ZMYM6: variants seen among roughly 807,000 people sequenced by gnomAD.
ZMYM6 encodes the protein zinc finger MYM-type protein 6.
A neutral mutation model predicts 134.0 loss-of-function variants in ZMYM6; 90 were observed. That is an observed-to-expected ratio of 0.67 (90% confidence interval 0.57 to 0.80). The LOEUF (loss-of-function observed/expected upper bound fraction) is 0.80, where lower values mean the gene tolerates loss of function less well. Among genes scored for constraint, ZMYM6 ranks in the 30% least tolerant of loss-of-function variants. The pLI, the probability that ZMYM6 is intolerant of heterozygous loss-of-function variation, is 0.00. For synonymous variants in ZMYM6, 481 were observed against 524.1 expected (o/e 0.92, Z 1.12); for missense variants, 1,362 against 1,533.9 (o/e 0.89, Z 1.87).
chr1:35,020,450 T>C lies in ZMYM6; in HGVS notation c.111A>G (p.Gln37=). The change falls in exon 3 of 16, where the codon CAA becomes CAG. Residue 37 remains glutamine (Q), a synonymous_variant. Coordinates refer to ENST00000357182, the MANE Select transcript of ZMYM6 (RefSeq NM_007167.4). Reference sequence around the variant, plus strand: ...ATTTACTTTCTTGAGTTTTTGGCTGTTGGACACATCCATACTCCTTTAAAA... The same window carrying C: ...ATTTACTTTCTTGAGTTTTTGGCTGCTGGACACATCCATACTCCTTTAAAA... The part of the protein sequence containing the change: ...PDNAQEYGCV[Q]QPKTQESKLK... 4.3e-6 allele frequency: 7 copies of C among 1,610,080 alleles called. No individual in the cohort carries two copies. The highest frequency in any genetic ancestry group is 5.9e-6 in the Non-Finnish European group (7 of 1,179,462).
intron 10 of ZMYM6, 52 bp downstream of exon 10, chr1:35,010,395 G>A (rs372110797): frequency 2.5e-5 from 39 of 1,560,618 alleles, no homozygotes; most frequent in Admixed American, 4.1e-5. Flanking sequence ...TGCCCAAGTC[G>A]TCATGAATTA....
At position 35,019,388 on chromosome 1, in the gene ZMYM6, T is replaced by C. The variant is rs773653897; in HGVS notation, c.393A>G (p.Pro131=). 2 of 1,613,936 alleles carry C rather than the reference T, an allele frequency of 1.2e-6. No individual in the cohort carries two copies. Among genetic ancestry groups the C allele is most frequent in the Non-Finnish European group, 1.7e-6 (2 of 1,180,012 alleles). The stretch of plus-strand genomic sequence containing the variant: ...TTGTGCAGGTTTTCTTGGGAGGAGG[T>C]GGCAGGCAGGCAGGTGAAGAATGTC... ...ITRHSSPACL[P]PPPKKTCTNC... Residue 131 remains proline, a synonymous_variant, in exon 4 of 16, where the codon CCA becomes CCG. Coordinates refer to ENST00000357182, the MANE Select transcript of ZMYM6 (RefSeq NM_007167.4).
chr1:34,992,549 T>C (rs537794213), intron 14 of ZMYM6, among the ~76,000 whole-genome samples, 162 bp from the exon 15 acceptor site: 27 of 151,440 alleles, frequency 1.8e-4, no homozygotes, highest in African/African-American at 6.3e-4. Flanking sequence ...ACACACAGAT[T>C]CCTACTTCTC....
chr1:35,013,086 A>G, intron 6 of ZMYM6: 1 of 898,748 alleles, frequency 1.1e-6, no homozygotes, highest in Non-Finnish European at 1.3e-6. Context: ...TTATAAGTTT[A>G]TTCATGTTTT....
rs1279597433 is a variant in ZMYM6 at position 35,014,697 on chromosome 1, C to T, written c.795G>A (p.Gln265=). 1.2e-6 allele frequency: 2 copies of T among 1,612,698 alleles called. No individual in the cohort carries two copies. The highest frequency in any genetic ancestry group is 3.3e-4 in the Middle Eastern group (2 of 6,046). ...FSSTSVTAYK[Q]NSAQIPPYAL... is the part of the protein sequence containing the mutation. ...ACATGCAACAAATAGATATTCATAC[C>T]TGCTTGTATGCCGTGACACTTGTTG... The change falls in exon 6 of 16, where the codon CAG becomes CAA. Residue 265 remains glutamine, a splice_region_variant and synonymous_variant. Transcript: ENST00000357182.
intron 4 of ZMYM6, 34 bp downstream of exon 4, chr1:35,019,319 G>A (rs988286247): frequency 4.3e-6 from 7 of 1,613,772 alleles, no homozygotes; most frequent in Middle Eastern, 1.7e-4. Context: ...CTAAAAAAAA[G>A]GTAAAGTAAA....
chr1:34,992,055 G>A, intron 15 of ZMYM6, 179 bp downstream of exon 15: 1 of 770,636 alleles, frequency 1.3e-6, no homozygotes, highest in South Asian at 1.5e-5. Flanking sequence ...TATGATAGCT[G>A]GTTATTAGTG....
chr1:35,027,948 T>C (rs1459836714), intron 2 of ZMYM6, among the ~76,000 whole-genome samples: 1 of 152,250 alleles, frequency 6.6e-6, no homozygotes, highest in African/African-American at 2.4e-5. Flanking sequence ...GAACTCTTCT[T>C]AGCCCAGCAC....
intron 14 of ZMYM6, among the ~76,000 whole-genome samples, chr1:35,001,512 C>T (rs1381000805): frequency 1.3e-5 from 2 of 151,856 alleles, no homozygotes; most frequent in East Asian, 1.9e-4. Context: ...CTCATATATA[C>T]AGAGGAAAGA....
At chr1:35,020,237 C>A (rs187387156) in intron 3 of ZMYM6, 146 bp downstream of exon 3, 2 of 586,798 alleles carry the variant, frequency 3.4e-6, no homozygotes, top group East Asian at 2.9e-5. Context: ...TTTTTTAAAA[C>A]GCTGCTGAAA....
intron 4 of ZMYM6, among the ~76,000 whole-genome samples, chr1:35,016,632 T>A (rs1641192550): frequency 6.6e-6 from 1 of 152,212 alleles, no homozygotes; most frequent in African/African-American, 2.4e-5. Context: ...GAGTAATTAC[T>A]ATGTGCCAAG....
At chr1:35,019,219 T>G in intron 4 of ZMYM6, 134 bp downstream of exon 4, 3 of 1,313,728 alleles carry the variant, frequency 2.3e-6, no homozygotes, top group Non-Finnish European at 3.1e-6. Context: ...AATTGGTGAA[T>G]TCTTCCATTA....
chr1:34,992,446 C>T, intron 14 of ZMYM6, 59 bp from the exon 15 acceptor site: 1 of 1,514,916 alleles, frequency 6.6e-7, no homozygotes, highest in East Asian at 2.3e-5. Flanking sequence ...TTATCACTGA[C>T]TATAATTGCT....
chr1:35,013,011 T>A lies in ZMYM6; in HGVS notation c.796-430A>T, dbSNP rs978561025. ...AGCAGGAGATAGAAATGATATTTAATGTATATTAATAGAGATCCTACACAA... is the reference window on the plus strand; with the variant it reads ...AGCAGGAGATAGAAATGATATTTAAAGTATATTAATAGAGATCCTACACAA... On this transcript the variant is annotated intron_variant, in intron 6 of 15. Coordinates refer to ENST00000357182, the MANE Select transcript of ZMYM6 (RefSeq NM_007167.4). The A allele has an allele frequency of 1.5e-5, 15 of 972,416 alleles. No individual in the cohort carries two copies. The African/African-American group carries it at 2.5e-4, about 16-fold the overall frequency. The allele number at this position is 972,416 out of a possible 1,614,324, so 60.2% of individuals were successfully genotyped here.
rs752224420 is a variant in ZMYM6 at position 35,020,483 on chromosome 1, G to C, written c.94-16C>G. 2.2e-5 allele frequency: 32 copies of C among 1,437,070 alleles called. No individual in the cohort carries two copies. Among genetic ancestry groups the C allele is most frequent in the Non-Finnish European group, 3.0e-5 (32 of 1,080,044 alleles). 89.0% of individuals were successfully genotyped at this position (1,437,070 alleles called of 1,614,324 possible). On this transcript the variant is annotated splice_polypyrimidine_tract_variant and intron_variant, in intron 2 of 15. Coordinates refer to ENST00000357182, the MANE Select transcript of ZMYM6 (RefSeq NM_007167.4). Reference sequence around the variant, plus strand: ...ATCCATACTCCTTTAAAAAAAAAAAGAAAAGAGAAAAGAGCAATGAATACA... The same window carrying C: ...ATCCATACTCCTTTAAAAAAAAAAACAAAAGAGAAAAGAGCAATGAATACA...
chr1:35,016,929 C>A (rs1010776386), intron 4 of ZMYM6, among the ~76,000 whole-genome samples: 9 of 149,192 alleles, frequency 6.0e-5, no homozygotes, highest in African/African-American at 2.2e-4. Context: ...TGCTTGAGCC[C>A]GGGAGGTAGA....
chr1:34,987,857 T>C lies in ZMYM6; in HGVS notation c.3225A>G (p.Arg1075=). The change falls in exon 16 of 16, where the codon AGA becomes AGG. Residue 1075 remains arginine, a synonymous_variant. Coordinates refer to ENST00000357182, the MANE Select transcript of ZMYM6 (RefSeq NM_007167.4). ...PLHAEVRWIS[R]GRMLKRLFEL... ...CAAATAATCTTTTTAACATTCTCCC[T>C]CTTGATATCCAACGTACTTCAGCAT... The C allele has an allele frequency of 7.7e-6, 12 of 1,551,282 alleles. No individual in the cohort carries two copies. The highest frequency in any genetic ancestry group is 1.0e-5 in the Non-Finnish European group (12 of 1,146,846).
chr1:35,019,713 C>T, intron 3 of ZMYM6, 111 bp from the exon 4 acceptor site: 1 of 1,305,976 alleles, frequency 7.7e-7, no homozygotes, highest in Non-Finnish European at 1.0e-6. Context: ...CTCACTGTCA[C>T]CCAGGCTGGA....
chr1:34,995,663 C>G (rs1360788738), intron 14 of ZMYM6, among the ~76,000 whole-genome samples: 1 of 152,094 alleles, frequency 6.6e-6, no homozygotes, highest in Non-Finnish European at 1.5e-5. Context: ...TGATTTACAT[C>G]CCAGGCAGAA....
Sources: allele counts gnomAD v4.1 joint callset (sites outside exome capture counted in the v4.1 genomes callset), GRCh38; gene constraint gnomAD v4.1.1; transcripts MANE v1.5; gene names NCBI Gene and HGNC (gene_info 2026-07-23, HGNC 2026-07-21).